Variants in PCLO observed in about 807,000 individuals in gnomAD.
The protein encoded by PCLO is piccolo presynaptic cytomatrix protein, also known as protein piccolo.
PCLO carries 82 observed loss-of-function variants against 427.5 expected under a neutral mutation model. That is an observed-to-expected ratio of 0.19 (90% CI 0.16 to 0.23). The LOEUF (loss-of-function observed/expected upper bound fraction) is 0.23, where lower values mean the gene tolerates loss of function less well. PCLO is among the 10% of genes least tolerant of loss of function. The probability of loss-of-function intolerance (pLI) is 1.00; values close to 1 mark genes in which losing one functional copy is unlikely to be tolerated. For missense variants in PCLO, 6,239 were observed against 6,115.9 expected (o/e 1.02, Z -0.67); for synonymous variants, 2,357 against 2,155.4 (o/e 1.09, Z -2.59).
intron 3 of PCLO, among the ~76,000 whole-genome samples, chr7:83,028,871 T>G (rs1788579777): frequency 6.6e-6 from 1 of 151,944 alleles, no homozygotes; most frequent in South Asian, 2.1e-4. Context: ...GATTCCCTAT[T>G]TAATAAATGG....
At chr7:83,144,030 T>C (rs1442551619) in intron 2 of PCLO, among the ~76,000 whole-genome samples, 1 of 152,272 alleles carries the variant, frequency 6.6e-6, no homozygotes, top group Non-Finnish European at 1.5e-5. Flanking sequence ...GAACTCATTC[T>C]ATATGCTGAA....
chr7:82,963,253 T>C (rs1211917832), intron 4 of PCLO, among the ~76,000 whole-genome samples: 2 of 152,064 alleles, frequency 1.3e-5, no homozygotes, highest in East Asian at 3.9e-4. Flanking sequence ...TTAACAAACT[T>C]TAAAACAGAA....
At chr7:82,856,048 A>C (rs528148980) in intron 10 of PCLO, among the ~76,000 whole-genome samples, 1 of 152,244 alleles carries the variant, frequency 6.6e-6, no homozygotes, top group South Asian at 2.1e-4. Flanking sequence ...ACTCATTATC[A>C]GGAAAGTGTG....
intron 3 of PCLO, among the ~76,000 whole-genome samples, chr7:82,988,998 C>T (rs1173684683): frequency 6.6e-6 from 1 of 151,572 alleles, no homozygotes; most frequent in Admixed American, 6.6e-5. Context: ...CCATGCCTGG[C>T]TATTTTTTTT....
chr7:82,778,784 C>A (rs1296930512), intron 22 of PCLO, among the ~76,000 whole-genome samples: 1 of 151,438 alleles, frequency 6.6e-6, no homozygotes, highest in East Asian at 1.9e-4. Flanking sequence ...GTTTCCTGAC[C>A]CTTGAGGATT....
chr7:82,911,357 A>C (rs1308182043), intron 7 of PCLO, among the ~76,000 whole-genome samples: 1 of 152,102 alleles, frequency 6.6e-6, no homozygotes, highest in African/African-American at 2.4e-5. Context: ...CTCATCTTTC[A>C]TGGTAAAATC....
At chr7:82,763,336 A>C (rs1053604719) in intron 22 of PCLO, among the ~76,000 whole-genome samples, 1 of 152,106 alleles carries the variant, frequency 6.6e-6, no homozygotes, top group Non-Finnish European at 1.5e-5. Flanking sequence ...TGAAAAAGGT[A>C]AGTAATTTCA....
chr7:83,149,426 A>G (rs1408070024), intron 2 of PCLO, among the ~76,000 whole-genome samples: 1 of 152,116 alleles, frequency 6.6e-6, no homozygotes, highest in African/African-American at 2.4e-5. Context: ...TCTTGGAATG[A>G]CTATACTTTA....
At chr7:82,949,279 GCA>G (rs965314555) in intron 6 of PCLO, among the ~76,000 whole-genome samples, 195 bp downstream of exon 6, 15 of 148,846 alleles carry the variant, frequency 1.0e-4, no homozygotes, top group Admixed American at 3.3e-4. Flanking sequence ...ACACACAAGC[GCA>G]CACACACACG....
chr7:82,786,958 T>C (rs1408114369), intron 22 of PCLO, among the ~76,000 whole-genome samples: 1 of 152,186 alleles, frequency 6.6e-6, no homozygotes, highest in Non-Finnish European at 1.5e-5. Flanking sequence ...CCATGGTGTA[T>C]ATGTGCCACG....
intron 3 of PCLO, among the ~76,000 whole-genome samples, chr7:82,977,603 G>A (rs1228812200): frequency 4.6e-5 from 7 of 151,680 alleles, no homozygotes; most frequent in South Asian, 2.1e-4. Flanking sequence ...CAGTAGAGTC[G>A]GGGTTTCACT....
chr7:83,025,307 G>T (rs1257499221), intron 3 of PCLO, among the ~76,000 whole-genome samples: 1 of 151,558 alleles, frequency 6.6e-6, no homozygotes, highest in African/African-American at 2.4e-5. Flanking sequence ...CGTGAAGAAT[G>T]CAGAAGCCTC....
chr7:82,880,591 T>TC lies in PCLO; in HGVS notation c.13529-1130dup, dbSNP rs928523332. 2.4e-4 allele frequency among the ~76,000 whole-genome samples: 36 copies of TC among 152,172 alleles called. 1 individual carries two copies. Among genetic ancestry groups the TC allele is most frequent in the African/African-American group, 8.4e-4 (35 of 41,526 alleles). On this transcript the variant is annotated intron_variant, in intron 9 of 24. Coordinates refer to ENST00000333891, the MANE Select transcript of PCLO (RefSeq NM_033026.6). ...GACTTTTCCTCCCAGGGTATATTGG[T>TC]CCATGTCTAGAAACATTTTTGGTTG...
chr7:83,154,770 T>G lies in PCLO; in HGVS notation c.1871A>C (p.Asn624Thr), dbSNP rs766799565. ...QTTVCSLCGF[N>T]PNPHLTEVKE... The stretch of plus-strand genomic sequence containing the variant: ...TACCTCCGTTAAATGAGGATTGGGA[T>G]TAAAACCACAGAGACTACAGACAGT... Residue 624 changes from asparagine to threonine, a missense_variant, in exon 2 of 25, where the codon AAT (asparagine) becomes ACT (threonine). This residue lies in a region of PCLO where 4,677 missense variants were observed against 4,468.4 expected (regional missense o/e 1.05). Transcript: ENST00000333891. 1.2e-6 allele frequency: 2 copies of G among 1,613,690 alleles called. No homozygotes were observed. Among genetic ancestry groups the G allele is most frequent in the Admixed American group, 1.7e-5 (1 of 60,000 alleles).
At chr7:83,042,028 T>C (rs896589502) in intron 3 of PCLO, among the ~76,000 whole-genome samples, 6 of 152,252 alleles carry the variant, frequency 3.9e-5, no homozygotes, top group Middle Eastern at 6.8e-3. Flanking sequence ...AGCATGAACA[T>C]TGTTATATTC....
intron 8 of PCLO, among the ~76,000 whole-genome samples, chr7:82,904,261 TTC>T (rs1794127024): frequency 6.6e-6 from 1 of 151,940 alleles, no homozygotes; most frequent in Admixed American, 6.6e-5. Context: ...CTGTTCACTC[TTC>T]TCTCTCCTGT....
chr7:82,768,451 T>A (rs529804640), intron 22 of PCLO, among the ~76,000 whole-genome samples: 1 of 151,968 alleles, frequency 6.6e-6, no homozygotes, highest in South Asian at 2.1e-4. Flanking sequence ...TTAAAATGTA[T>A]AATTATTCAA....
intron 2 of PCLO, among the ~76,000 whole-genome samples, chr7:83,141,165 C>T (rs868000552): frequency 2.8e-4 from 43 of 152,190 alleles, no homozygotes; most frequent in Admixed American, 9.8e-4. Flanking sequence ...AATCCACATC[C>T]ATTTGACAAA....
intron 2 of PCLO, among the ~76,000 whole-genome samples, chr7:83,141,701 C>G (rs955599618): frequency 9.9e-5 from 15 of 152,138 alleles, no homozygotes; most frequent in Non-Finnish European, 1.6e-4. Flanking sequence ...TATAGTAATA[C>G]AAGTTCATTG....
Sources: allele counts gnomAD v4.1 joint callset (sites outside exome capture counted in the v4.1 genomes callset), GRCh38; gene constraint gnomAD v4.1.1; regional missense constraint gnomAD v4.1.1; transcripts MANE v1.5; gene names NCBI Gene and HGNC (gene_info 2026-07-23, HGNC 2026-07-21).